Variants in ESRRB observed in about 807,000 individuals in gnomAD.
ESRRB encodes estrogen related receptor beta, also known as steroid hormone receptor ERR2.
A neutral mutation model predicts 46.0 loss-of-function variants in ESRRB; 16 were observed. The observed-to-expected ratio is 0.35, with a 90% CI of 0.24 to 0.53. The LOEUF (loss-of-function observed/expected upper bound fraction) is 0.53. Ranked by LOEUF, ESRRB falls within the 20% of genes least tolerant of loss-of-function variation. ESRRB has a pLI of 0.93. For missense variants in ESRRB, 488 were observed against 607.4 expected, an observed-to-expected ratio of 0.80 and a Z score of 2.07; for synonymous variants, 246 against 259.6, an observed-to-expected ratio of 0.95 and a Z score of 0.50.
intron 1 of ESRRB, among the ~76,000 whole-genome samples, chr14:76,335,854 T>C (rs1004242550): frequency 6.6e-6 from 1 of 152,340 alleles, no homozygotes; most frequent in Middle Eastern, 3.4e-3. Context: ...TGAATGCTCA[T>C]GATGCGCCCG....
intron 1 of ESRRB, among the ~76,000 whole-genome samples, chr14:76,388,039 C>T (rs546106248): frequency 9.4e-4 from 143 of 152,156 alleles, no homozygotes; most frequent in Non-Finnish European, 1.9e-3. Flanking sequence ...GGTACAGAGA[C>T]GTTAAGTCAT....
rs1884762174 is a variant in ESRRB, at chr14:76,376,273, T to A, written c.-129T>A. ...CCTCTCCCCCGCCGCGGCCGCCTCC[T>A]CCCACTCTGCGTTCTCGCGCTCACT... On this transcript the variant is annotated 5_prime_UTR_variant, in exon 1 of 7. Coordinates refer to ENST00000644823, the MANE Select transcript of ESRRB (RefSeq NM_001379180.1). This position sits in a 1 kb window ranked among gnomAD's most constrained non-coding sequence, Gnocchi z 4.1. 3 of 645,252 alleles carry A rather than the reference T, an allele frequency of 4.6e-6. No individual in the cohort carries two copies. Among genetic ancestry groups the A allele is most frequent in the Non-Finnish European group, 6.6e-6 (3 of 452,610 alleles). 40.0% of individuals were successfully genotyped at this position (645,252 alleles called of 1,614,324 possible).
intron 1 of ESRRB, among the ~76,000 whole-genome samples, chr14:76,322,711 C>T (rs1373360209): frequency 6.6e-6 from 1 of 152,172 alleles, no homozygotes; most frequent in Non-Finnish European, 1.5e-5. Context: ...TACTCCACTG[C>T]CAGGCTTTCT....
At chr14:76,474,615 T>C (rs1374804000) in intron 3 of ESRRB, among the ~76,000 whole-genome samples, 1 of 151,672 alleles carries the variant, frequency 6.6e-6, no homozygotes, top group African/African-American at 2.4e-5. Context: ...CTGAAGAGGG[T>C]GGATTGCTTA....
In ESRRB at chr14:76,417,559, C is replaced by A. The variant is rs191223266; in HGVS notation, c.51-21782C>A. Among the ~76,000 whole-genome samples the A allele has an allele frequency of 2.3e-4, 35 of 152,234 alleles. No homozygotes were observed. The East Asian group carries it at 4.2e-3, about 18-fold the overall frequency. On this transcript the variant is annotated intron_variant, in intron 1 of 6. Transcript: ENST00000644823. ...TGCAGCGTCTGTGTGTGCCTGTGTGCGTGCATATGTGTGTGTTTGCAGCGA... is the reference window on the plus strand; with the variant it reads ...TGCAGCGTCTGTGTGTGCCTGTGTGAGTGCATATGTGTGTGTTTGCAGCGA...
chr14:76,387,335 A>G lies in ESRRB; in HGVS notation c.50+10884A>G, dbSNP rs185209358. On this transcript the variant is annotated intron_variant, in intron 1 of 6. Transcript: ENST00000644823. Reference sequence around the variant, plus strand: ...CACAGCCCCGGGTACGGGGAATGGAAGAGCTCTAGAGCCCCCTACAGGCAC... The same window carrying G: ...CACAGCCCCGGGTACGGGGAATGGAGGAGCTCTAGAGCCCCCTACAGGCAC... 5.9e-5 allele frequency among the ~76,000 whole-genome samples: 9 copies of G among 152,320 alleles called. No homozygotes were observed. In the East Asian group the frequency reaches 1.5e-3, roughly 26 times the overall value.
intron 1 of ESRRB, among the ~76,000 whole-genome samples, chr14:76,415,826 C>G (rs542437782): frequency 2.6e-5 from 4 of 152,112 alleles, no homozygotes; most frequent in African/African-American, 9.6e-5. Flanking sequence ...TTTTCATTTT[C>G]TTTTTAATCC....
chr14:76,436,962 T>G (rs1395942795), intron 1 of ESRRB, among the ~76,000 whole-genome samples: 12 of 152,198 alleles, frequency 7.9e-5, no homozygotes, highest in Admixed American at 7.9e-4. Flanking sequence ...TCCCAGCTTC[T>G]GGTCTATGGG....
At chr14:76,495,703 T>C (rs140419648) in intron 6 of ESRRB, 4 of 152,208 alleles carry the variant, frequency 2.6e-5, no homozygotes, top group African/African-American at 9.6e-5. Flanking sequence ...TTTCAAAATG[T>C]TCAATCCATT....
At chr14:76,379,878 G>C (rs1342662619) in intron 1 of ESRRB, among the ~76,000 whole-genome samples, 1 of 86,260 alleles carries the variant, frequency 1.2e-5, no homozygotes, top group Non-Finnish European at 2.5e-5. Flanking sequence ...AAAAAAAAAA[G>C]CACAGAGAAA....
intron 3 of ESRRB, among the ~76,000 whole-genome samples, chr14:76,474,359 G>A (rs1889490311): frequency 6.6e-6 from 1 of 152,208 alleles, no homozygotes; most frequent in South Asian, 2.1e-4. Flanking sequence ...ACTAACCTGA[G>A]AAAGGATACA....
intron 3 of ESRRB, among the ~76,000 whole-genome samples, chr14:76,481,710 T>G (rs1889811811): frequency 6.6e-6 from 1 of 152,224 alleles, no homozygotes; most frequent in African/African-American, 2.4e-5. Context: ...CCGCCAACAC[T>G]TGGTAGAGTG....
At position 76,349,151 on chromosome 14, in the gene ESRRB, A is replaced by C. The variant is rs191934913; in HGVS notation, c.2+38235A>C. On this transcript the variant is annotated intron_variant, in intron 1 of 6. Coordinates refer to the ESRRB transcript ENST00000512784. The stretch of plus-strand genomic sequence containing the variant: ...AATGAGTGAGTCAGCGCATCCGGAC[A>C]GAGTTAATTAAAGCAGCGAGGGCTG... 1.8e-3 allele frequency among the ~76,000 whole-genome samples: 271 copies of C among 152,326 alleles called. 2 individuals are homozygous for C. Among genetic ancestry groups the C allele is most frequent in the Admixed American group, 2.9e-3 (45 of 15,308 alleles).
chr14:76,379,224 A>G (rs1372606025), intron 1 of ESRRB, among the ~76,000 whole-genome samples: 1 of 152,112 alleles, frequency 6.6e-6, no homozygotes, highest in Non-Finnish European at 1.5e-5. Context: ...TCAATATTTT[A>G]TGTACATATA....
intron 1 of ESRRB, among the ~76,000 whole-genome samples, chr14:76,332,554 AATATATAT>A (rs1162993097): frequency 0.067 from 4,190 of 62,918 alleles, 217 homozygotes; most frequent in Admixed American, 0.09. Flanking sequence ...ATATTTATAT[AATATATAT>A]TTATATATTT....
At chr14:76,494,882 G>A (rs1349501193) in intron 6 of ESRRB, among the ~76,000 whole-genome samples, 2 of 152,190 alleles carry the variant, frequency 1.3e-5, no homozygotes, top group Non-Finnish European at 2.9e-5. Context: ...ACTTACACCA[G>A]ACACAGAGCT....
At chr14:76,462,490 A>C in intron 2 of ESRRB, 55 bp from the exon 3 acceptor site, 1 of 1,360,266 alleles carries the variant, frequency 7.4e-7, no homozygotes, top group Non-Finnish European at 1.0e-6. Context: ...CTGCGCTGGC[A>C]GGTGGGGGCC....
At position 76,439,424 on chromosome 14, in the gene ESRRB, C is replaced by A. The variant is rs1444730247; in HGVS notation, c.134C>A (p.Ser45Tyr). The change falls in exon 2 of 7, where the codon TCC (serine) becomes TAC (tyrosine). Residue 45 changes from serine to tyrosine, a missense_variant. Transcript: ENST00000644823. The stretch of plus-strand genomic sequence containing the variant: ...ATCAAGACTGAGCCGTCCAGCCCGT[C>A]CTCGGGCATCGATGCCCTCAGCCAC... ...SFIKTEPSSP[S>Y]SGIDALSHHS... 18 of 1,613,456 alleles carry A rather than the reference C, an allele frequency of 1.1e-5. No homozygotes were observed. Among genetic ancestry groups the A allele is most frequent in the Non-Finnish European group, 8.5e-7 (1 of 1,179,916 alleles).
At chr14:76,418,911 A>T (rs576658277) in intron 1 of ESRRB, among the ~76,000 whole-genome samples, 1 of 152,236 alleles carries the variant, frequency 6.6e-6, no homozygotes, top group African/African-American at 2.4e-5. Flanking sequence ...GAGCCACCGC[A>T]TCCAGCCTAA....
Sources: gnomAD v4.1 joint callset for allele counts (sites outside exome capture counted in the v4.1 genomes callset) on GRCh38, gnomAD v4.1.1 for gene constraint, Gnocchi (gnomAD v3.1) non-coding constraint, MANE v1.5 for transcripts, NCBI Gene and HGNC (gene_info 2026-07-23, HGNC 2026-07-21) for gene names.